The following PIBF1 variants were observed in gnomAD, a reference collection of about 807,000 sequenced individuals.
PIBF1 encodes the protein progesterone immunomodulatory binding factor 1.
In PIBF1, 90 loss-of-function variants were observed where a neutral mutation model predicts 112.5. That is an observed-to-expected ratio of 0.80 (90% CI 0.67 to 0.95). The LOEUF (loss-of-function observed/expected upper bound fraction) is 0.95, where lower values mean the gene tolerates loss of function less well. PIBF1 is among the 40% of genes least tolerant of loss of function. The pLI, the probability that PIBF1 is intolerant of heterozygous loss-of-function variation, is 0.00. For synonymous variants in PIBF1, 301 were observed against 288.6 expected (o/e 1.04, Z -0.44); for missense variants, 915 against 852.3 (o/e 1.07, Z -0.92).
At position 72,854,123 on chromosome 13, in the gene PIBF1, T is replaced by C. The variant is rs750060042; in HGVS notation, c.1290T>C (p.Asp430=). 6.2e-6 allele frequency: 10 copies of C among 1,612,770 alleles called. No individual in the cohort carries two copies. In the East Asian group the frequency reaches 2.0e-4, roughly 32 times the overall value. ...EKERAVMAEK[D]ALEKHDQLLD... ...AACGAGCAGTGATGGCTGAAAAGGA[T>C]GCTTTAGAAAAACACGATCAGCTCT... The change falls in exon 10 of 18, where the codon GAT becomes GAC. Residue 430 remains aspartate, a synonymous_variant. Transcript: ENST00000326291.
intron 11 of PIBF1, among the ~76,000 whole-genome samples, chr13:72,906,516 G>C (rs1200238050): frequency 6.6e-6 from 1 of 151,950 alleles, no homozygotes; most frequent in Non-Finnish European, 1.5e-5. Flanking sequence ...CAACAGTCAA[G>C]TTCTCTTTGG....
At chr13:72,981,878 A>G (rs1030468860) in intron 16 of PIBF1, among the ~76,000 whole-genome samples, 3 of 152,192 alleles carry the variant, frequency 2.0e-5, no homozygotes, top group South Asian at 2.1e-4. Flanking sequence ...TACATCTTCT[A>G]CATTTTGAAA....
chr13:72,839,930 C>T lies in PIBF1; in HGVS notation c.1223+4562C>T, dbSNP rs183307294. ...CCACATCAAAATGGACACTACCTAACCAGGGGATTCCTGGGATTGGGGCTG... is the reference window on the plus strand; with the variant it reads ...CCACATCAAAATGGACACTACCTAATCAGGGGATTCCTGGGATTGGGGCTG... On this transcript the variant is annotated intron_variant, in intron 9 of 17. Transcript: ENST00000326291. Among the ~76,000 whole-genome samples, 696 of 152,200 alleles carry T rather than the reference C, an allele frequency of 4.6e-3. 2 individuals carry two copies. Among genetic ancestry groups the T allele is most frequent in the Non-Finnish European group, 7.6e-3 (514 of 67,994 alleles).
intron 10 of PIBF1, among the ~76,000 whole-genome samples, chr13:72,867,504 C>T (rs1037189559): frequency 6.6e-6 from 1 of 152,106 alleles, no homozygotes; most frequent in African/African-American, 2.4e-5. Flanking sequence ...TGTCTATGTT[C>T]TCTTTTCAGC....
intron 17 of PIBF1, among the ~76,000 whole-genome samples, chr13:73,010,115 G>C (rs1169893040): frequency 6.6e-6 from 1 of 151,994 alleles, no homozygotes; most frequent in African/African-American, 2.4e-5. Flanking sequence ...CACCTTTTTG[G>C]CCAGGAGTCA....
intron 12 of PIBF1, among the ~76,000 whole-genome samples, chr13:72,914,933 TTC>T (rs2041029379): frequency 6.6e-6 from 1 of 152,136 alleles, no homozygotes; most frequent in African/African-American, 2.4e-5. Flanking sequence ...TTCCTAATTT[TTC>T]TGTACAGTTG....
intron 16 of PIBF1, among the ~76,000 whole-genome samples, chr13:72,975,503 T>C (rs566722837): frequency 4.6e-5 from 7 of 152,164 alleles, no homozygotes; most frequent in Non-Finnish European, 8.8e-5. Flanking sequence ...AGTTCAAAGG[T>C]ACGTATCCTA....
chr13:72,898,559 A>G (rs1359125040), intron 11 of PIBF1, among the ~76,000 whole-genome samples: 1 of 151,966 alleles, frequency 6.6e-6, no homozygotes, highest in African/African-American at 2.4e-5. Flanking sequence ...AGATCAGGCC[A>G]GGCACGGTGG....
chr13:72,835,355 G>T lies in PIBF1; in HGVS notation c.1210G>T (p.Glu404Ter). 1 of 1,560,486 alleles carries T rather than the reference G, an allele frequency of 6.4e-7. No homozygotes were observed. Among genetic ancestry groups the T allele is most frequent in the South Asian group, 1.2e-5 (1 of 81,950 alleles). The change falls in exon 9 of 18, where the codon GAA (glutamate) becomes TAA (stop). Residue 404 changes from glutamate to a stop codon, truncating the protein, a stop_gained. Coordinates refer to ENST00000326291, the MANE Select transcript of PIBF1 (RefSeq NM_006346.4). LOFTEE classifies it high-confidence loss of function. ...TCGAAATGCCTCTAGGGAAATGTAT[G>T]AACGAGAAAACAGGTAAAAAAAAAA... is the stretch of plus-strand genomic sequence containing the variant. Reference protein sequence around the residue: ...QLRNASREMYERENRNLREAR... With the variant: ...QLRNASREMY
At chr13:72,913,810 A>G (rs2040984186) in intron 12 of PIBF1, among the ~76,000 whole-genome samples, 1 of 152,068 alleles carries the variant, frequency 6.6e-6, no homozygotes, top group African/African-American at 2.4e-5. Context: ...TATACTGTAC[A>G]TTTTTTCAGT....
At chr13:72,901,868 A>G (rs995343287) in intron 11 of PIBF1, among the ~76,000 whole-genome samples, 11 of 152,178 alleles carry the variant, frequency 7.2e-5, no homozygotes, top group Non-Finnish European at 1.5e-4. Flanking sequence ...GCATCTACCC[A>G]AAGGAAAATA....
At chr13:72,787,621 A>G (rs1359554843) in intron 2 of PIBF1, among the ~76,000 whole-genome samples, 1 of 152,158 alleles carries the variant, frequency 6.6e-6, no homozygotes, top group African/African-American at 2.4e-5. Flanking sequence ...AGTGAAGAAG[A>G]AAGGGGCTCA....
intron 13 of PIBF1, among the ~76,000 whole-genome samples, chr13:72,927,305 AC>A (rs1467234389): frequency 6.6e-6 from 1 of 152,112 alleles, no homozygotes; most frequent in Admixed American, 6.5e-5. Context: ...GGAGATCGAG[AC>A]CATCTGGCTA....
chr13:72,840,658 G>C (rs1455412470), intron 9 of PIBF1, among the ~76,000 whole-genome samples: 1 of 151,940 alleles, frequency 6.6e-6, no homozygotes, highest in East Asian at 1.9e-4. Flanking sequence ...TGAGTAGCTG[G>C]GATTACAGGT....
chr13:72,969,557 G>A (rs1467789456), intron 15 of PIBF1: 1 of 152,150 alleles, frequency 6.6e-6, no homozygotes, highest in Non-Finnish European at 1.5e-5. Flanking sequence ...GTGTACCCTG[G>A]TGACATGAAT....
intron 10 of PIBF1, among the ~76,000 whole-genome samples, chr13:72,872,189 A>AC (rs948839339): frequency 6.6e-6 from 1 of 152,220 alleles, no homozygotes; most frequent in Non-Finnish European, 1.5e-5. Flanking sequence ...AGTGTTTGTT[A>AC]CATAATGTGT....
At chr13:72,782,785 TA>T (rs2034351176) in intron 1 of PIBF1, among the ~76,000 whole-genome samples, 1 of 152,160 alleles carries the variant, frequency 6.6e-6, no homozygotes, top group Admixed American at 6.5e-5. Flanking sequence ...TTTCCCTATT[TA>T]AAACATCTTC....
chr13:72,953,006 A>G (rs985255421), intron 14 of PIBF1, among the ~76,000 whole-genome samples: 1 of 152,132 alleles, frequency 6.6e-6, no homozygotes, highest in Non-Finnish European at 1.5e-5. Context: ...GATAAATGCC[A>G]TACTTAATAG....
intron 5 of PIBF1, among the ~76,000 whole-genome samples, chr13:72,798,895 C>A (rs545266072): frequency 2.0e-5 from 3 of 152,308 alleles, no homozygotes; most frequent in African/African-American, 7.2e-5. Flanking sequence ...CCATTTATTA[C>A]TTACGTGGCT....
Sources: gnomAD v4.1 joint callset for allele counts (sites outside exome capture counted in the v4.1 genomes callset) on GRCh38, gnomAD v4.1.1 for gene constraint, MANE v1.5 for transcripts, NCBI Gene and HGNC (gene_info 2026-07-23, HGNC 2026-07-21) for gene names.